The following FSHR variants were observed in gnomAD, a reference collection of about 807,000 sequenced individuals.
The protein encoded by FSHR is follicle-stimulating hormone receptor.
Under a neutral mutation model 52.1 loss-of-function variants are expected in FSHR, and 46 were observed. The ratio of observed to expected loss-of-function variants is 0.88; its 90% CI spans 0.70 to 1.13. The LOEUF is 1.13. Among genes scored for constraint, FSHR ranks in the 50% most tolerant of loss-of-function variants. The pLI is 0.00. For missense variants in FSHR, 964 were observed against 834.6 expected, an observed-to-expected ratio of 1.16 and a Z score of -1.91; for synonymous variants, 399 against 309.6, an observed-to-expected ratio of 1.29 and a Z score of -3.03.
At position 48,983,082 on chromosome 2, in the gene FSHR, A is replaced by G. The variant is rs755961250; in HGVS notation, c.593+16T>C. 14 of 1,612,882 alleles carry G rather than the reference A, an allele frequency of 8.7e-6. No homozygotes were observed. The South Asian group carries it at 1.4e-4, about 16-fold the overall frequency. On this transcript the variant is annotated intron_variant, in intron 7 of 9. Transcript: ENST00000406846. ...TTCCCTTTAAATGGCCTTGAAGAAT[A>G]GTCAGGGCTACTTACAGCTCATCTA... is the stretch of plus-strand genomic sequence containing the variant.
At position 49,154,397 on chromosome 2, in the gene FSHR, A is replaced by C. The variant is rs750477854; in HGVS notation, c.21T>G (p.Ser7=). The change falls in exon 1 of 10, where the codon TCT becomes TCG. Residue 7 remains serine, a synonymous_variant. Coordinates refer to ENST00000406846, the MANE Select transcript of FSHR (RefSeq NM_000145.4). MALLLV[S]LLAFLSLGSG... Reference sequence around the variant, plus strand: ...AGCCCAAGCTCAGGAATGCCAGCAAAGAGACCAGGAGCAGGGCCATAATTA... The same window carrying C: ...AGCCCAAGCTCAGGAATGCCAGCAACGAGACCAGGAGCAGGGCCATAATTA... 46 of 1,612,680 alleles carry C rather than the reference A, an allele frequency of 2.9e-5. No individual in the cohort carries two copies. The highest frequency in any genetic ancestry group is 3.9e-5 in the Non-Finnish European group (46 of 1,179,928).
intron 2 of FSHR, among the ~76,000 whole-genome samples, chr2:49,061,820 A>G (rs1669318874): frequency 7.2e-6 from 1 of 139,124 alleles, no homozygotes; most frequent in Non-Finnish European, 1.5e-5. Flanking sequence ...AGTCATATAT[A>G]ACTATATATG....
chr2:49,097,801 A>G (rs995570172), intron 1 of FSHR, among the ~76,000 whole-genome samples: 1 of 152,224 alleles, frequency 6.6e-6, no homozygotes, highest in Admixed American at 6.5e-5. Flanking sequence ...ATTTTAATTG[A>G]TAAACTGCTG....
chr2:48,989,434 C>A (rs1035184896), intron 5 of FSHR, among the ~76,000 whole-genome samples: 17 of 151,982 alleles, frequency 1.1e-4, no homozygotes, highest in African/African-American at 4.1e-4. Context: ...AGGTGTGCAC[C>A]ACCATACCCA....
intron 1 of FSHR, among the ~76,000 whole-genome samples, chr2:49,080,939 ACTG>A (rs2103655627): frequency 6.6e-6 from 1 of 152,248 alleles, no homozygotes; most frequent in South Asian, 2.1e-4. Context: ...CATCCACTAC[ACTG>A]CAGAGTTTGC....
chr2:49,117,433 A>G (rs1321033010), intron 1 of FSHR, among the ~76,000 whole-genome samples: 1 of 152,202 alleles, frequency 6.6e-6, no homozygotes, highest in Admixed American at 6.5e-5. Context: ...GTTGGACACA[A>G]AGAAAAGTTA....
intron 8 of FSHR, among the ~76,000 whole-genome samples, chr2:48,971,608 C>T (rs1263588593): frequency 6.6e-6 from 1 of 152,164 alleles, no homozygotes; most frequent in Non-Finnish European, 1.5e-5. Flanking sequence ...ATAGTCCCCT[C>T]TTTGTTAGCT....
chr2:49,127,795 T>G (rs1672075714), intron 1 of FSHR, among the ~76,000 whole-genome samples: 1 of 55,536 alleles, frequency 1.8e-5, no homozygotes, highest in African/African-American at 7.6e-5. Context: ...TTCTTCTTCT[T>G]CTTCTTCTTC....
At chr2:49,102,506 A>G (rs932415919) in intron 1 of FSHR, among the ~76,000 whole-genome samples, 1 of 152,148 alleles carries the variant, frequency 6.6e-6, no homozygotes, top group African/African-American at 2.4e-5. Context: ...AGACTTGGTA[A>G]GTTAGGAGGT....
At position 49,017,503 on chromosome 2, in the gene FSHR, G is replaced by T. The variant is rs1237547790; in HGVS notation, c.360C>A (p.Pro120=). Residue 120 remains proline, a synonymous_variant, in exon 4 of 10, where the codon CCC becomes CCA. Transcript: ENST00000406846. Reference sequence around the variant, plus strand: ...TGAGTTCTTACAGATATTGAAGGTTGGGAAGGTTCTGGAAGGCCTCAGGGT... The same window carrying T: ...TGAGTTCTTACAGATATTGAAGGTTTGGAAGGTTCTGGAAGGCCTCAGGGT... ...YINPEAFQNL[P]NLQYLLISNT... is the part of the protein sequence containing the mutation. 3.7e-6 allele frequency: 6 copies of T among 1,612,678 alleles called. No individual in the cohort carries two copies. Among genetic ancestry groups the T allele is most frequent in the Non-Finnish European group, 5.1e-6 (6 of 1,178,876 alleles).
intron 1 of FSHR, among the ~76,000 whole-genome samples, chr2:49,107,403 T>TAG (rs1671266498): frequency 6.6e-6 from 1 of 152,154 alleles, no homozygotes; most frequent in Non-Finnish European, 1.5e-5. Context: ...ATAGCACTTA[T>TAG]CTTACTACTG....
At chr2:49,021,884 T>TAGAGAGAGAG (rs1221533451) in intron 2 of FSHR, among the ~76,000 whole-genome samples, 3 of 36,566 alleles carry the variant, frequency 8.2e-5, no homozygotes, top group African/African-American at 9.7e-5. Flanking sequence ...TATATATATA[T>TAGAGAGAGAG]ATAGAGAGAG....
intron 1 of FSHR, among the ~76,000 whole-genome samples, chr2:49,145,434 A>C (rs541466041): frequency 6.6e-6 from 1 of 152,042 alleles, no homozygotes; most frequent in South Asian, 2.1e-4. Context: ...AAGTGGCCCT[A>C]TATAGCCCCT....
chr2:49,054,232 G>T (rs1018139973), intron 2 of FSHR, among the ~76,000 whole-genome samples: 1 of 152,158 alleles, frequency 6.6e-6, no homozygotes. Context: ...TCTGTGGGTG[G>T]ACCCCAGGAG....
intron 1 of FSHR, among the ~76,000 whole-genome samples, chr2:49,083,450 A>C (rs989670570): frequency 1.3e-5 from 2 of 150,464 alleles, no homozygotes; most frequent in Non-Finnish European, 3.0e-5. Context: ...TGAGCAAAAT[A>C]ACCAGCTAAC....
chr2:49,055,664 A>T (rs1669036177), intron 2 of FSHR, among the ~76,000 whole-genome samples: 1 of 151,960 alleles, frequency 6.6e-6, no homozygotes, highest in African/African-American at 2.4e-5. Flanking sequence ...GGAAGAGAAA[A>T]GCCTCAAGTC....
At chr2:48,964,026 A>G (rs1156399998) in intron 9 of FSHR, 60 bp from the exon 10 acceptor site, 30 of 1,515,040 alleles carry the variant, frequency 2.0e-5, no homozygotes, top group Middle Eastern at 2.3e-4. Context: ...CAAATACATC[A>G]CTGTCTTTGT....
At chr2:49,015,639 T>A (rs1047935658) in intron 4 of FSHR, among the ~76,000 whole-genome samples, 1 of 152,162 alleles carries the variant, frequency 6.6e-6, no homozygotes, top group Non-Finnish European at 1.5e-5. Flanking sequence ...TCTACTGTTA[T>A]GTGCCTAGGC....
chr2:49,108,766 G>A (rs1477758582), intron 1 of FSHR, among the ~76,000 whole-genome samples: 9 of 152,142 alleles, frequency 5.9e-5, no homozygotes, highest in African/African-American at 2.2e-4. Context: ...GTGGCCTGGA[G>A]GCAACGAAAA....
Sources: gnomAD v4.1 joint callset for allele counts (sites outside exome capture counted in the v4.1 genomes callset) on GRCh38, gnomAD v4.1.1 for gene constraint, MANE v1.5 for transcripts, NCBI Gene and HGNC (gene_info 2026-07-23, HGNC 2026-07-21) for gene names.